The following PROX1 variants were observed in gnomAD, a reference collection of about 807,000 sequenced individuals.
The protein encoded by PROX1 is prospero homeobox protein 1.
In PROX1, 7 loss-of-function variants were observed where a neutral mutation model predicts 58.8. The observed-to-expected ratio is 0.12, with a 90% CI of 0.07 to 0.22. The LOEUF is 0.22. Ranked by LOEUF, PROX1 falls within the 10% of genes least tolerant of loss-of-function variation. PROX1 has a pLI of 1.00. For synonymous variants in PROX1, 350 were observed against 358.3 expected, an observed-to-expected ratio of 0.98 and a Z score of 0.26; for missense variants, 675 against 927.8, an observed-to-expected ratio of 0.73 and a Z score of 3.54.
At chr1:214,007,961 A>G (rs975387653) in intron 3 of PROX1, among the ~76,000 whole-genome samples, 3 of 152,232 alleles carry the variant, frequency 2.0e-5, no homozygotes, top group South Asian at 2.1e-4. Context: ...TTATAATGAC[A>G]TGAGGCTCTA....
At chr1:213,985,994 G>A (rs1460820021), upstream of PROX1, 1 of 152,166 alleles carries the variant, frequency 6.6e-6, no homozygotes, top group Non-Finnish European at 1.5e-5. Flanking sequence ...AAACTAGTAG[G>A]ACGAAAAATA....
chr1:213,995,109 C>A (rs1248149929), intron 1 of PROX1, among the ~76,000 whole-genome samples: 2 of 152,052 alleles, frequency 1.3e-5, no homozygotes, highest in Non-Finnish European at 1.5e-5. Context: ...ACTCTGCATG[C>A]TGCCTTTGGC....
chr1:214,010,063 G>A (rs538958568), intron 3 of PROX1, among the ~76,000 whole-genome samples: 2 of 152,236 alleles, frequency 1.3e-5, no homozygotes, highest in Admixed American at 6.5e-5. Flanking sequence ...CAGATAATGG[G>A]GGTCCTTCAG....
intron 4 of PROX1, among the ~76,000 whole-genome samples, chr1:214,023,333 CTA>C (rs1235085957): frequency 6.6e-6 from 1 of 151,878 alleles, no homozygotes; most frequent in South Asian, 2.1e-4. Flanking sequence ...GCAGAATTGG[CTA>C]TGTTTTTTTT....
chr1:213,989,596 G>C (rs1466720109), intron 1 of PROX1: 2 of 152,272 alleles, frequency 1.3e-5, no homozygotes, highest in East Asian at 3.9e-4. Context: ...AGGAGGGCGG[G>C]AAGAGGGAGG....
At chr1:214,022,776 A>G (rs566498819) in intron 4 of PROX1, among the ~76,000 whole-genome samples, 2 of 152,132 alleles carry the variant, frequency 1.3e-5, no homozygotes, top group South Asian at 4.1e-4. Flanking sequence ...GTGACTCTAG[A>G]GTAGAGGGGC....
At chr1:213,987,097 G>C (rs1016694329), upstream of PROX1, among the ~76,000 whole-genome samples, 1 of 152,192 alleles carries the variant, frequency 6.6e-6, no homozygotes. Context: ...GTAATCGCCA[G>C]ATGTTTGCAA....
Position 213,998,216 on chromosome 1 carries a change from G to T in PROX1, c.1681G>T (p.Asp561Tyr). 1 of 1,598,400 alleles carries T rather than the reference G, an allele frequency of 6.3e-7. No homozygotes were observed. The highest frequency in any genetic ancestry group is 8.5e-7 in the Non-Finnish European group (1 of 1,172,562). The part of the protein sequence containing the change: ...SLSLIKSECG[D>Y]LQDMSEISPY... Reference sequence around the variant, plus strand: ...GTCGCTCATAAAGTCCGAGTGCGGCGATCTTCAAGATATGTCTGAAATATC... The same window carrying T: ...GTCGCTCATAAAGTCCGAGTGCGGCTATCTTCAAGATATGTCTGAAATATC... Residue 561 changes from aspartate (D) to tyrosine (Y), a missense_variant, in exon 2 of 5, where the codon GAT becomes TAT. Around this residue, in one of 8 missense-constraint regions of PROX1, gnomAD observed 39 missense variants for 73.4 expected, o/e 0.53. Coordinates refer to ENST00000366958, the MANE Select transcript of PROX1 (RefSeq NM_001270616.2).
At chr1:214,022,097 T>C (rs745420478) in intron 4 of PROX1, among the ~76,000 whole-genome samples, 3 of 151,998 alleles carry the variant, frequency 2.0e-5, no homozygotes, top group Non-Finnish European at 4.4e-5. Flanking sequence ...CTTTGGGGAG[T>C]CTTTCCACTG....
At chr1:214,002,412 CTTTTT>C (rs774337530) in intron 2 of PROX1, among the ~76,000 whole-genome samples, 1 of 116,378 alleles carries the variant, frequency 8.6e-6, no homozygotes, top group Non-Finnish European at 1.7e-5. Context: ...TTTCTTTTTT[CTTTTT>C]TTTTTTTTTT....
At chr1:213,989,838 A>AT (rs1015883038) in intron 1 of PROX1, 11 of 152,386 alleles carry the variant, frequency 7.2e-5, no homozygotes, top group African/African-American at 2.7e-4. Flanking sequence ...TTCTTGGGAA[A>AT]TTGAGAGCCC....
intron 4 of PROX1, among the ~76,000 whole-genome samples, chr1:214,024,589 C>T (rs1664390859): frequency 6.6e-6 from 1 of 152,158 alleles, no homozygotes; most frequent in Non-Finnish European, 1.5e-5. Context: ...CTGCCTGAAC[C>T]CCACTTCCTA....
At chr1:214,017,617 T>C (rs1411704322) in intron 4 of PROX1, among the ~76,000 whole-genome samples, 1 of 150,770 alleles carries the variant, frequency 6.6e-6, no homozygotes, top group Non-Finnish European at 1.5e-5. Context: ...GAGTTCACAG[T>C]GAGAATAGAA....
At chr1:213,987,568 A>G (rs1214950682), upstream of PROX1, 2 of 150,192 alleles carry the variant, frequency 1.3e-5, no homozygotes, top group East Asian at 4.1e-4. Context: ...AAAGAAAAAA[A>G]AAAAAAAAGA....
Position 214,009,399 on chromosome 1 carries a change from AG to A in PROX1, c.1834-2119del, listed in dbSNP as rs1046747925. Among the ~76,000 whole-genome samples the A allele has an allele frequency of 5.1e-4, 78 of 152,344 alleles. 1 individual carries two copies. Among genetic ancestry groups the A allele is most frequent in the Middle Eastern group, 3.4e-3 (1 of 294 alleles). The stretch of plus-strand genomic sequence containing the variant: ...TTTTCTTGTAAGCCACTACAGAATG[AG>A]GGAAATTAACTCTTTAAAGTTTAAT... On this transcript the variant is annotated intron_variant, in intron 3 of 4. Coordinates refer to ENST00000366958, the MANE Select transcript of PROX1 (RefSeq NM_001270616.2).
In PROX1 at chr1:213,997,777, C is replaced by A. The variant is rs370313551; in HGVS notation, c.1242C>A (p.Asp414Glu). 3 of 1,614,242 alleles carry A rather than the reference C, an allele frequency of 1.9e-6. No homozygotes were observed. Among genetic ancestry groups the A allele is most frequent in the Admixed American group, 1.7e-5 (1 of 60,030 alleles). The change falls in exon 2 of 5, where the codon GAC becomes GAA. Residue 414 changes from aspartate (D) to glutamate (E), a missense_variant. This residue lies in a region of PROX1 where 403 missense variants were observed against 477.4 expected (regional missense o/e 0.84). Coordinates refer to ENST00000366958, the MANE Select transcript of PROX1 (RefSeq NM_001270616.2). The surrounding 1 kb of genome is among the most constrained non-coding windows in gnomAD (Gnocchi z 7.1). ...TANQRLQCFGDVIIPNPLDTF... is the reference protein window; with the variant it reads ...TANQRLQCFGEVIIPNPLDTF... ...ACCAGCGCCTGCAGTGCTTTGGCGA[C>A]GTCATCATTCCGAACCCCCTGGACA...
chr1:213,993,541 C>T (rs1663113008), intron 1 of PROX1, among the ~76,000 whole-genome samples: 1 of 152,100 alleles, frequency 6.6e-6, no homozygotes, highest in Non-Finnish European at 1.5e-5. Context: ...CGTAACAGTA[C>T]ATTTTCTTAT....
intron 1 of PROX1, among the ~76,000 whole-genome samples, chr1:213,995,215 TA>T (rs1366054196): frequency 6.6e-6 from 1 of 152,194 alleles, no homozygotes; most frequent in Non-Finnish European, 1.5e-5. Flanking sequence ...ATTTTCTTCA[TA>T]AAATGTTAAT....
In PROX1 at chr1:214,011,671, T is replaced by C. The variant is rs752930941; in HGVS notation, c.1984T>C (p.Tyr662His). ...GTCTATAACCAGAGACTGTGAGCTG[T>C]ACAGGGCTCTGAACATGCACTACAA... is the stretch of plus-strand genomic sequence containing the variant. ...ELSITRDCEL[Y>H]RALNMHYNKA... is the part of the protein sequence containing the mutation. Residue 662 changes from tyrosine to histidine, a missense_variant, in exon 4 of 5, where the codon TAC becomes CAC. Tyr to His is a moderately conservative substitution (Grantham distance 83). This residue lies in a region of PROX1 where 50 missense variants were observed against 79.3 expected (regional missense o/e 0.63). Coordinates refer to ENST00000366958, the MANE Select transcript of PROX1 (RefSeq NM_001270616.2). 2 of 1,613,316 alleles carry C rather than the reference T, an allele frequency of 1.2e-6. No homozygotes were observed. Among genetic ancestry groups the C allele is most frequent in the Non-Finnish European group, 1.7e-6 (2 of 1,179,690 alleles).
Sources: gnomAD v4.1 joint callset for allele counts (sites outside exome capture counted in the v4.1 genomes callset) on GRCh38, gnomAD v4.1.1 for gene constraint, gnomAD v4.1.1 regional missense constraint, Gnocchi (gnomAD v3.1) non-coding constraint, MANE v1.5 for transcripts, NCBI Gene and HGNC (gene_info 2026-07-23, HGNC 2026-07-21) for gene names.